The following SLC28A1 variants were observed in gnomAD, a reference collection of about 807,000 sequenced individuals.
The protein encoded by SLC28A1 is sodium/nucleoside cotransporter 1.
A neutral mutation model predicts 74.8 loss-of-function variants in SLC28A1; 64 were observed. The ratio of observed to expected loss-of-function variants is 0.86; its 90% confidence interval spans 0.70 to 1.05. The LOEUF (loss-of-function observed/expected upper bound fraction) is 1.05, where lower values mean the gene tolerates loss of function less well. Among genes scored for constraint, SLC28A1 ranks in the 50% least tolerant of loss-of-function variants. SLC28A1 has a pLI of 0.00. For synonymous variants in SLC28A1, 359 were observed against 335.0 expected (o/e 1.07, Z -0.78); for missense variants, 828 against 822.8 (o/e 1.01, Z -0.08).
downstream of SLC28A1, among the ~76,000 whole-genome samples, chr15:84,950,525 T>C (rs1271014742): frequency 1.3e-5 from 2 of 151,882 alleles, no homozygotes; most frequent in African/African-American, 4.8e-5. Context: ...CTGTGCAACA[T>C]AGTGAGACCC....
chr15:84,908,935 G>A (rs1412906593), intron 9 of SLC28A1, 140 bp downstream of exon 9: 16 of 737,826 alleles, frequency 2.2e-5, no homozygotes, highest in Non-Finnish European at 3.6e-5. Context: ...GGAAGTTAGT[G>A]AACCTTAAGC....
the SLC28A1 span, among the ~76,000 whole-genome samples, chr15:84,968,215 C>T: frequency 6.6e-6 from 1 of 152,184 alleles, no homozygotes; most frequent in Non-Finnish European, 1.5e-5. Flanking sequence ...GGTTGAGCCT[C>T]AGTTTCCTCT....
At chr15:84,928,427 C>T (rs567456206) in intron 12 of SLC28A1, among the ~76,000 whole-genome samples, 1 of 151,992 alleles carries the variant, frequency 6.6e-6, no homozygotes, top group African/African-American at 2.4e-5. Context: ...CCTCTAACTT[C>T]CTTCCCCAGT....
intron 15 of SLC28A1, among the ~76,000 whole-genome samples, chr15:84,936,149 G>A (rs186805995): frequency 3.6e-4 from 55 of 151,192 alleles, no homozygotes; most frequent in African/African-American, 1.3e-3. Context: ...TAGAGACGGG[G>A]TTTCATCGTG....
chr15:84,890,509 G>T lies in SLC28A1; in HGVS notation c.252G>T (p.Trp84Cys). 6.2e-7 allele frequency: 1 copy of T among 1,611,328 alleles called. No homozygotes were observed. Among genetic ancestry groups the T allele is most frequent in the Non-Finnish European group, 8.5e-7 (1 of 1,179,622 alleles). ...FCREHMQLFRWIGTGLLCTGL... is the reference protein window; with the variant it reads ...FCREHMQLFRCIGTGLLCTGL... Reference sequence around the variant, plus strand: ...GGGAGCACATGCAGCTGTTTCGATGGATCGGCACAGGCCTGCTCTGCACTG... The same window carrying T: ...GGGAGCACATGCAGCTGTTTCGATGTATCGGCACAGGCCTGCTCTGCACTG... The change falls in exon 5 of 19, where the codon TGG (tryptophan) becomes TGT (cysteine). Residue 84 changes from tryptophan (W) to cysteine (C), a missense_variant. Transcript: ENST00000394573.
At chr15:84,937,100 C>T (rs1972028447) in intron 15 of SLC28A1, among the ~76,000 whole-genome samples, 2 of 149,216 alleles carry the variant, frequency 1.3e-5, no homozygotes, top group Admixed American at 6.7e-5. Context: ...TAGTTTCTGT[C>T]GTAGCAGCCA....
intron 3 of SLC28A1, 76 bp downstream of exon 3, chr15:84,887,932 C>A: frequency 9.7e-7 from 1 of 1,032,708 alleles, no homozygotes; most frequent in Non-Finnish European, 1.5e-6. Flanking sequence ...GGTGATGAGG[C>A]TTTTGCTCAC....
At chr15:84,962,688 AG>A in the SLC28A1 span, among the ~76,000 whole-genome samples, 1 of 152,034 alleles carries the variant, frequency 6.6e-6, no homozygotes, top group East Asian at 1.9e-4. Context: ...TACAGATGTG[AG>A]TCACTGCACC....
At chr15:84,899,799 A>C (rs1469237228) in intron 6 of SLC28A1, among the ~76,000 whole-genome samples, 1 of 152,142 alleles carries the variant, frequency 6.6e-6, no homozygotes, top group African/African-American at 2.4e-5. Flanking sequence ...AAGCTGAGAA[A>C]GGAGGATCGC....
intron 8 of SLC28A1, among the ~76,000 whole-genome samples, chr15:84,906,684 A>G (rs370367965): frequency 9.4e-5 from 12 of 127,434 alleles, no homozygotes; most frequent in Non-Finnish European, 1.3e-4. Flanking sequence ...GGGTCTCCCT[A>G]TGTTGCCCAG....
chr15:84,947,276 T>C (rs2079264155), downstream of SLC28A1, among the ~76,000 whole-genome samples: 1 of 152,196 alleles, frequency 6.6e-6, no homozygotes, highest in African/African-American at 2.4e-5. Flanking sequence ...GCCCTTGGGC[T>C]GTGGGCAGGG....
At chr15:84,911,361 A>T (rs1437317953) in intron 9 of SLC28A1, among the ~76,000 whole-genome samples, 1 of 152,128 alleles carries the variant, frequency 6.6e-6, no homozygotes, top group African/African-American at 2.4e-5. Context: ...CTTTTGTATT[A>T]CTGATGGTCC....
At chr15:84,925,767 TTCTC>T (rs913529433) in intron 12 of SLC28A1, among the ~76,000 whole-genome samples, 3 of 152,166 alleles carry the variant, frequency 2.0e-5, no homozygotes, top group Admixed American at 6.5e-5. Flanking sequence ...CTCACATACT[TTCTC>T]TCTCTTTTTT....
At chr15:84,964,078 AC>A in the SLC28A1 span, among the ~76,000 whole-genome samples, 1 of 151,452 alleles carries the variant, frequency 6.6e-6, no homozygotes, top group African/African-American at 2.4e-5. Flanking sequence ...TCTGTTCTGG[AC>A]CTCCCACAGC....
chr15:84,908,790 T>C lies in SLC28A1; in HGVS notation c.790T>C (p.Phe264Leu), dbSNP rs1967693709. The C allele has an allele frequency of 6.2e-7, 1 of 1,613,346 alleles. No individual in the cohort carries two copies. The highest frequency in any genetic ancestry group is 8.5e-7 in the Non-Finnish European group (1 of 1,179,794). The change falls in exon 9 of 19, where the codon TTT becomes CTT. Residue 264 changes from phenylalanine to leucine, a missense_variant. Phe to Leu is a conservative substitution (Grantham distance 22, BLOSUM62 0). Around this residue, in one of 3 missense-constraint regions of SLC28A1, gnomAD observed 767 missense variants for 753.5 expected, o/e 1.02. Transcript: ENST00000394573. Reference sequence around the variant, plus strand: ...GGCGCTGGTCAAGGATGTCTTTGCCTTTCAGGTCAGCTTGACTCAGGGTCC... The same window carrying C: ...GGCGCTGGTCAAGGATGTCTTTGCCCTTCAGGTCAGCTTGACTCAGGGTCC... ...GEALVKDVFA[F>L]QVLPIIVFFS...
intron 7 of SLC28A1, among the ~76,000 whole-genome samples, chr15:84,905,320 C>G (rs1966917109): frequency 6.6e-6 from 1 of 152,198 alleles, no homozygotes. Context: ...TGGTTAGAAT[C>G]TTGGCCCACC....
At chr15:84,890,277 T>C (rs1965214473) in intron 4 of SLC28A1, among the ~76,000 whole-genome samples, 166 bp from the exon 5 acceptor site, 1 of 152,164 alleles carries the variant, frequency 6.6e-6, no homozygotes, top group East Asian at 1.9e-4. Context: ...ATTTCTACAT[T>C]TGCCCTGGGC....
intron 8 of SLC28A1, among the ~76,000 whole-genome samples, chr15:84,906,524 GTTTGTTTC>G (rs1227057175): frequency 5.1e-5 from 3 of 58,778 alleles, no homozygotes; most frequent in East Asian, 3.6e-4. Flanking sequence ...TTGTTTGTTT[GTTTGTTTC>G]TTTCTTTCTT....
intron 15 of SLC28A1, among the ~76,000 whole-genome samples, chr15:84,937,702 G>C (rs1169628664): frequency 6.6e-6 from 1 of 151,990 alleles, no homozygotes; most frequent in Non-Finnish European, 1.5e-5. Flanking sequence ...AGGAGTTTGA[G>C]ACCAGCCTGA....
Sources: gnomAD v4.1 joint callset for allele counts (sites outside exome capture counted in the v4.1 genomes callset) on GRCh38, gnomAD v4.1.1 for gene constraint, gnomAD v4.1.1 regional missense constraint, MANE v1.5 for transcripts, NCBI Gene and HGNC (gene_info 2026-07-23, HGNC 2026-07-21) for gene names.